Variants in TGS1 observed in about 807,000 individuals in gnomAD.
The protein encoded by TGS1 is trimethylguanosine synthase 1.
In TGS1, 69 loss-of-function variants were observed where a neutral mutation model predicts 92.2. That is an observed-to-expected ratio of 0.75 (90% CI 0.62 to 0.91). The LOEUF (loss-of-function observed/expected upper bound fraction) is 0.91. Ranked by LOEUF, TGS1 falls within the 40% of genes least tolerant of loss-of-function variation. The probability of loss-of-function intolerance (pLI) is 0.00; values close to 1 mark genes in which losing one functional copy is unlikely to be tolerated. For missense variants in TGS1, 1,062 were observed against 1,001.2 expected, an observed-to-expected ratio of 1.06 and a Z score of -0.82; for synonymous variants, 345 against 338.1, an observed-to-expected ratio of 1.02 and a Z score of -0.22.
chr8:55,784,922 T>C (rs1450651676), intron 2 of TGS1, among the ~76,000 whole-genome samples: 1 of 152,242 alleles, frequency 6.6e-6, no homozygotes, highest in Non-Finnish European at 1.5e-5. Context: ...ATAGAGCAGA[T>C]GCTCAATAAG....
intron 8 of TGS1, among the ~76,000 whole-genome samples, chr8:55,799,494 A>G (rs992586105): frequency 1.3e-5 from 2 of 152,186 alleles, no homozygotes; most frequent in Non-Finnish European, 2.9e-5. Flanking sequence ...CTGCAGTTCA[A>G]CTTGGCCTCT....
At chr8:55,807,226 C>T (rs1803195005) in intron 10 of TGS1, among the ~76,000 whole-genome samples, 1 of 152,074 alleles carries the variant, frequency 6.6e-6, no homozygotes, top group African/African-American at 2.4e-5. Context: ...CCACGCCCGG[C>T]CATTTAACCT....
intron 11 of TGS1, 37 bp from the exon 12 acceptor site, chr8:55,813,003 C>A: frequency 7.4e-7 from 1 of 1,358,674 alleles, no homozygotes; most frequent in Non-Finnish European, 1.1e-6. Flanking sequence ...TAGAAATTAG[C>A]TGCTGTTTTC....
chr8:55,797,990 A>T (rs1248289909), intron 7 of TGS1, among the ~76,000 whole-genome samples: 2 of 152,190 alleles, frequency 1.3e-5, no homozygotes, highest in African/African-American at 4.8e-5. Flanking sequence ...GGTGCTAGTT[A>T]TATCTGAAAC....
chr8:55,808,511 C>CTT (rs59912731), intron 10 of TGS1, among the ~76,000 whole-genome samples: 2 of 117,932 alleles, frequency 1.7e-5, no homozygotes, highest in Non-Finnish European at 3.5e-5. Flanking sequence ...TTCTTTTTTT[C>CTT]TTTTTTTTTT....
At chr8:55,787,184 A>G in intron 4 of TGS1, 124 bp downstream of exon 4, 1 of 672,414 alleles carries the variant, frequency 1.5e-6, no homozygotes, top group African/African-American at 1.8e-5. Context: ...ATAATAATGA[A>G]ATGATTTAAT....
rs965512944 is a variant in TGS1 at position 55,799,111 on chromosome 8, T to A, written c.1740T>A (p.Gly580=). 1 of 1,614,094 alleles carries A rather than the reference T, an allele frequency of 6.2e-7. No homozygotes were observed. The highest frequency in any genetic ancestry group is 1.3e-5 in the African/African-American group (1 of 75,010). ...PEKCQSVSSA[G]ELETENYERD... ...AGTGTCAGAGCGTATCTTCAGCTGG[T>A]GAACTTGAAACAGAAAACTATGAAA... The change falls in exon 8 of 13, where the codon GGT becomes GGA. Residue 580 remains glycine, a synonymous_variant. Coordinates refer to ENST00000260129, the MANE Select transcript of TGS1 (RefSeq NM_024831.8).
chr8:55,803,159 A>G (rs893650973), intron 9 of TGS1, among the ~76,000 whole-genome samples: 1 of 151,894 alleles, frequency 6.6e-6, no homozygotes, highest in Non-Finnish European at 1.5e-5. Flanking sequence ...GTATTTTTAA[A>G]ATTTCAGACT....
intron 12 of TGS1, among the ~76,000 whole-genome samples, chr8:55,814,827 G>C (rs1803433498): frequency 6.9e-6 from 1 of 144,384 alleles, no homozygotes; most frequent in Admixed American, 6.9e-5. Flanking sequence ...GACAGAGTGA[G>C]ACTGTCTAAA....
At position 55,782,742 on chromosome 8, in the gene TGS1, T is replaced by A; in HGVS notation, c.102-6T>A. 1.2e-6 allele frequency: 2 copies of A among 1,606,852 alleles called. No homozygotes were observed. Among genetic ancestry groups the A allele is most frequent in the African/African-American group, 1.3e-5 (1 of 74,616 alleles). ...TTCAATATGAACTGCTTAATCTGCT[T>A]CGCAGGGATCGAAAATTGTACAATT... On this transcript the variant is annotated splice_polypyrimidine_tract_variant and splice_region_variant and intron_variant, in intron 1 of 12. Transcript: ENST00000260129.
chr8:55,806,098 G>A (rs1043346417), intron 10 of TGS1, among the ~76,000 whole-genome samples: 5 of 151,680 alleles, frequency 3.3e-5, no homozygotes, highest in Admixed American at 6.6e-5. Context: ...GCTCATGCCT[G>A]TAATCCCAGC....
chr8:55,788,023 A>G (rs1250663999), intron 4 of TGS1, among the ~76,000 whole-genome samples: 1 of 152,178 alleles, frequency 6.6e-6, no homozygotes, highest in Non-Finnish European at 1.5e-5. Flanking sequence ...ACCAGACCCC[A>G]CTTCCAACAT....
chr8:55,792,180 G>A (rs1445757678), intron 5 of TGS1, among the ~76,000 whole-genome samples: 1 of 152,186 alleles, frequency 6.6e-6, no homozygotes, highest in Non-Finnish European at 1.5e-5. Flanking sequence ...TACGGCCAGG[G>A]ATGGTCACTG....
rs550890377 is a variant in TGS1 at position 55,825,437 on chromosome 8, A to T, written c.*734A>T. The T allele has an allele frequency of 6.6e-6, 1 of 152,198 alleles. No homozygotes were observed. Among genetic ancestry groups the T allele is most frequent in the Non-Finnish European group, 1.5e-5 (1 of 68,040 alleles). The allele number at this position is 152,198 out of a possible 1,614,324, so 9.4% of individuals were successfully genotyped here. On this transcript the variant is annotated 3_prime_UTR_variant, in exon 13 of 13. Coordinates refer to ENST00000260129, the MANE Select transcript of TGS1 (RefSeq NM_024831.8). ...TTTCTATTTTTTTATTAAAATGGCA[A>T]TGAAAGCAAGAGGGATATGTGTTGC... is the stretch of plus-strand genomic sequence containing the variant.
At chr8:55,806,565 G>A (rs1812379549) in intron 10 of TGS1, among the ~76,000 whole-genome samples, 1 of 152,084 alleles carries the variant, frequency 6.6e-6, no homozygotes, top group African/African-American at 2.4e-5. Flanking sequence ...CAGGTCAACA[G>A]TAGGCTATTA....
intron 1 of TGS1, among the ~76,000 whole-genome samples, chr8:55,777,414 G>A (rs896838951): frequency 1.3e-5 from 2 of 151,826 alleles, no homozygotes; most frequent in Admixed American, 1.3e-4. Flanking sequence ...ATCCCCCCAT[G>A]CTGGATGTCT....
In TGS1 at chr8:55,802,606, G is replaced by A; in HGVS notation, c.1999G>A (p.Glu667Lys). The change falls in exon 9 of 13, where the codon GAG (glutamate) becomes AAG (lysine). Residue 667 changes from glutamate to lysine, a missense_variant and splice_region_variant. Glu to Lys is a moderately conservative substitution (Grantham distance 56). Transcript: ENST00000260129. ...RFDDGIKLDR[E>K]GWFSVTPEKI... is the part of the protein sequence containing the mutation. Reference sequence around the variant, plus strand: ...TGATGATGGGATTAAGTTGGACAGAGGTAAAGTATATATGTATTTTTTAGC... The same window carrying A: ...TGATGATGGGATTAAGTTGGACAGAAGTAAAGTATATATGTATTTTTTAGC... 6 of 1,605,298 alleles carry A rather than the reference G, an allele frequency of 3.7e-6. No individual in the cohort carries two copies. The highest frequency in any genetic ancestry group is 5.1e-6 in the Non-Finnish European group (6 of 1,177,638).
rs574739696 is a variant in TGS1, at chr8:55,800,026, C to T, written c.1849+806C>T. ...TTTTCAATTTATGCACTTTTGTATT[C>T]GAATTTTTATAGCAAAAGTTCTTAT... On this transcript the variant is annotated intron_variant, in intron 8 of 12. Transcript: ENST00000260129. 9.2e-5 allele frequency among the ~76,000 whole-genome samples: 14 copies of T among 152,098 alleles called. No homozygotes were observed. In the East Asian group the frequency reaches 1.2e-3, roughly 13 times the overall value.
intron 7 of TGS1, among the ~76,000 whole-genome samples, chr8:55,796,642 C>T (rs573399267): frequency 3.2e-4 from 47 of 148,420 alleles, no homozygotes; most frequent in African/African-American, 1.0e-3. Flanking sequence ...GAGCCGAGAT[C>T]GCGCCTTTTC....
Sources: allele counts gnomAD v4.1 joint callset (sites outside exome capture counted in the v4.1 genomes callset), GRCh38; gene constraint gnomAD v4.1.1; transcripts MANE v1.5; gene names NCBI Gene and HGNC (gene_info 2026-07-23, HGNC 2026-07-21).